Variants in PLXDC2 observed in about 807,000 individuals in gnomAD.
PLXDC2 encodes plexin domain containing 2, also known as plexin domain-containing protein 2.
A neutral mutation model predicts 68.9 loss-of-function variants in PLXDC2; 40 were observed. That is an observed-to-expected ratio of 0.58 (90% CI 0.45 to 0.76). PLXDC2 has a LOEUF of 0.76. PLXDC2 is among the 30% of genes least tolerant of loss of function. PLXDC2 has a pLI of 0.00. For synonymous variants in PLXDC2, 243 were observed against 234.2 expected (o/e 1.04, Z -0.34); for missense variants, 644 against 661.9 (o/e 0.97, Z 0.30).
At chr10:19,988,813 TG>T (rs1834695100) in intron 1 of PLXDC2, among the ~76,000 whole-genome samples, 2 of 108,168 alleles carry the variant, frequency 1.8e-5, no homozygotes, top group African/African-American at 3.6e-5. Context: ...TTTTTTTTTT[TG>T]AGATGGAGTC....
intron 12 of PLXDC2, among the ~76,000 whole-genome samples, chr10:20,243,279 T>G (rs564983882): frequency 6.6e-6 from 1 of 152,166 alleles, no homozygotes; most frequent in East Asian, 1.9e-4. Context: ...TCAATTTCCT[T>G]ACCTATAAAA....
chr10:19,960,186 G>A (rs1042666245), intron 1 of PLXDC2, among the ~76,000 whole-genome samples: 67 of 71,374 alleles, frequency 9.4e-4, no homozygotes, highest in Non-Finnish European at 1.7e-3. Flanking sequence ...TCTAGAGCTC[G>A]TCTCAAAAAA....
At chr10:19,988,969 T>C (rs1179786041) in intron 1 of PLXDC2, among the ~76,000 whole-genome samples, 1 of 151,754 alleles carries the variant, frequency 6.6e-6, no homozygotes, top group Non-Finnish European at 1.5e-5. Flanking sequence ...CTAAATTTTG[T>C]ACTTTTAGTA....
chr10:20,249,172 GTATTC>G (rs1835638325), intron 13 of PLXDC2, among the ~76,000 whole-genome samples: 1 of 151,976 alleles, frequency 6.6e-6, no homozygotes, highest in Admixed American at 6.6e-5. Context: ...TTTAATGTTT[GTATTC>G]TATTCTATTC....
chr10:20,210,970 CTG>C (rs1258571521), intron 9 of PLXDC2, among the ~76,000 whole-genome samples: 4 of 152,108 alleles, frequency 2.6e-5, no homozygotes, highest in Non-Finnish European at 5.9e-5. Flanking sequence ...CAGGGTCAAA[CTG>C]TTACAGCATG....
intron 1 of PLXDC2, among the ~76,000 whole-genome samples, chr10:19,936,918 G>A (rs553273113): frequency 6.6e-6 from 1 of 152,252 alleles, no homozygotes; most frequent in East Asian, 1.9e-4. Flanking sequence ...ATCCTATTCT[G>A]ATACAATGAT....
chr10:20,024,545 A>T (rs999781700), intron 2 of PLXDC2, among the ~76,000 whole-genome samples: 3 of 152,194 alleles, frequency 2.0e-5, no homozygotes, highest in African/African-American at 7.2e-5. Flanking sequence ...TTTCCAGAGG[A>T]AAATCCAAGG....
At chr10:20,014,678 T>C (rs540972563) in intron 2 of PLXDC2, among the ~76,000 whole-genome samples, 1 of 152,128 alleles carries the variant, frequency 6.6e-6, no homozygotes, top group African/African-American at 2.4e-5. Flanking sequence ...AGATTTAGAA[T>C]GTATTTAATA....
At chr10:20,011,599 A>T (rs1207971843) in intron 2 of PLXDC2, among the ~76,000 whole-genome samples, 1 of 152,196 alleles carries the variant, frequency 6.6e-6, no homozygotes, top group Non-Finnish European at 1.5e-5. Context: ...AGCTTCTGGG[A>T]TCATTCACTG....
chr10:19,851,660 C>G (rs1197708302), intron 1 of PLXDC2, among the ~76,000 whole-genome samples: 2 of 152,192 alleles, frequency 1.3e-5, no homozygotes, highest in African/African-American at 2.4e-5. Flanking sequence ...ATTCTCATGT[C>G]TCAGCCTCCC....
chr10:20,266,817 C>CTGTCTCATTTCATCGTTTTT (rs1230018026), intron 13 of PLXDC2, among the ~76,000 whole-genome samples: 1 of 152,144 alleles, frequency 6.6e-6, no homozygotes, highest in Non-Finnish European at 1.5e-5. Context: ...ACAACATTAT[C>CTGTCTCATTTCATCGTTTTT]TGTCTCATTT....
chr10:19,926,256 T>G (rs980673993), intron 1 of PLXDC2, among the ~76,000 whole-genome samples: 20 of 152,196 alleles, frequency 1.3e-4, no homozygotes, highest in Non-Finnish European at 1.8e-4. Context: ...ATAATGACTT[T>G]TATTCATGCT....
At chr10:19,877,456 C>T (rs1837652399) in intron 1 of PLXDC2, among the ~76,000 whole-genome samples, 1 of 152,192 alleles carries the variant, frequency 6.6e-6, no homozygotes, top group Non-Finnish European at 1.5e-5. Context: ...AGTATTTTCT[C>T]ATACACCCAT....
intron 1 of PLXDC2, among the ~76,000 whole-genome samples, chr10:19,836,539 A>C (rs1473099580): frequency 6.6e-6 from 1 of 152,198 alleles, no homozygotes; most frequent in East Asian, 1.9e-4. Context: ...AATCCATGAA[A>C]TCACTCAAAT....
intron 1 of PLXDC2, among the ~76,000 whole-genome samples, chr10:19,971,554 T>A (rs1834353713): frequency 6.6e-6 from 1 of 152,150 alleles, no homozygotes; most frequent in Non-Finnish European, 1.5e-5. Flanking sequence ...GGGCCGGATG[T>A]AAAGGTTGGG....
intron 1 of PLXDC2, among the ~76,000 whole-genome samples, chr10:19,921,602 G>T (rs1021471599): frequency 7.9e-5 from 12 of 152,178 alleles, no homozygotes; most frequent in African/African-American, 2.9e-4. Context: ...ACTCTTAGCT[G>T]CATTTTTCCC....
rs114997675 is a variant in PLXDC2 at position 20,171,947 on chromosome 10, G to T, written c.884-5052G>T. Among the ~76,000 whole-genome samples the T allele has an allele frequency of 9.3e-3, 1,410 of 152,192 alleles. 17 individuals are homozygous for T. Among genetic ancestry groups the T allele is most frequent in the African/African-American group, 0.03 (1,225 of 41,522 alleles). ...AGAAAGACACTGGAGACTGGGAAGG[G>T]TGGGAGCAGGGAGAGGGTTTGGGGA... On this transcript the variant is annotated intron_variant, in intron 7 of 13. Transcript: ENST00000377252.
intron 9 of PLXDC2, among the ~76,000 whole-genome samples, chr10:20,186,413 T>C (rs1003992743): frequency 1.3e-5 from 2 of 151,940 alleles, no homozygotes; most frequent in African/African-American, 4.8e-5. Flanking sequence ...GTATTCTTTT[T>C]CTCTTTAACT....
chr10:20,118,105 TACACACACACACACAC>T (rs60160833), intron 4 of PLXDC2, among the ~76,000 whole-genome samples: 24 of 146,822 alleles, frequency 1.6e-4, no homozygotes, highest in African/African-American at 5.6e-4. Flanking sequence ...CATATATGCC[TACACACACACACACAC>T]ACACACACAC....
Sources: gnomAD v4.1 joint callset for allele counts (sites outside exome capture counted in the v4.1 genomes callset) on GRCh38, gnomAD v4.1.1 for gene constraint, MANE v1.5 for transcripts, NCBI Gene and HGNC (gene_info 2026-07-23, HGNC 2026-07-21) for gene names.